Variants in CUL2 observed in about 807,000 individuals in gnomAD.
CUL2 encodes cullin-2.
Under a neutral mutation model 110.2 loss-of-function variants are expected in CUL2, and 22 were observed. The observed-to-expected ratio is 0.20, with a 90% confidence interval of 0.14 to 0.28. The LOEUF (loss-of-function observed/expected upper bound fraction) is 0.28, where lower values mean the gene tolerates loss of function less well. CUL2 is among the 10% of genes least tolerant of loss of function. The pLI is 1.00. For synonymous variants in CUL2, 279 were observed against 293.2 expected (o/e 0.95, Z 0.49); for missense variants, 631 against 905.5 (o/e 0.70, Z 3.89).
intron 2 of CUL2, among the ~76,000 whole-genome samples, chr10:35,066,393 G>A (rs751464070): frequency 2.1e-4 from 32 of 151,820 alleles, no homozygotes; most frequent in Non-Finnish European, 3.2e-4. Context: ...TTCACCCTCC[G>A]GGTTCAAGCA....
intron 17 of CUL2, among the ~76,000 whole-genome samples, chr10:35,023,892 T>C (rs2085267582): frequency 6.6e-6 from 1 of 152,174 alleles, no homozygotes; most frequent in Non-Finnish European, 1.5e-5. Flanking sequence ...TGGAGTGCAG[T>C]GGCACGATCA....
intron 2 of CUL2, chr10:35,099,388 TAAAAAAAAAA>T (rs754369641): frequency 9.1e-6 from 1 of 110,484 alleles, no homozygotes; most frequent in Admixed American, 9.9e-5. Context: ...AGACTCCGTC[TAAAAAAAAAA>T]AAAAAAAAAA....
chr10:35,025,607 T>G (rs1169783276), intron 16 of CUL2, among the ~76,000 whole-genome samples: 1 of 152,220 alleles, frequency 6.6e-6, no homozygotes, highest in African/African-American at 2.4e-5. Context: ...TGCCAACATA[T>G]AGCTTCCACA....
At chr10:35,048,483 C>T (rs2086008615) in intron 6 of CUL2, among the ~76,000 whole-genome samples, 1 of 152,130 alleles carries the variant, frequency 6.6e-6, no homozygotes, top group East Asian at 1.9e-4. Flanking sequence ...CACAAAAGTA[C>T]ATTTAGAAAG....
upstream of CUL2, among the ~76,000 whole-genome samples, chr10:35,091,847 T>TG (rs2087210960): frequency 1.3e-5 from 2 of 151,996 alleles, no homozygotes; most frequent in South Asian, 4.2e-4. Context: ...AGGCTGGTCT[T>TG]GAACTCCTGA....
Position 35,009,184 on chromosome 10 carries a change from ATATATATATATATATAT to A in CUL2, c.*1110_*1126del, listed in dbSNP as rs1230650243. On this transcript the variant is annotated 3_prime_UTR_variant, in exon 21 of 21. Coordinates refer to ENST00000374749, the MANE Select transcript of CUL2 (RefSeq NM_003591.4). ...CAGTACTCTTAACACTGCTGTTGAG[ATATATATATATATATAT>A]TATATATATATATATATATAAAATA... is the stretch of plus-strand genomic sequence containing the variant. 5 of 93,392 alleles carry A rather than the reference ATATATATATATATATAT, an allele frequency of 5.4e-5. No individual in the cohort carries two copies. Among genetic ancestry groups the A allele is most frequent in the South Asian group, 5.4e-4 (1 of 1,848 alleles). The allele number at this position is 93,392 out of a possible 1,614,324, so 5.8% of individuals were successfully genotyped here. A position where few individuals can be genotyped will look rare whatever the true frequency, so the allele number is the denominator to read the frequency against.
chr10:35,073,110 A>C (rs1212512154), intron 1 of CUL2, among the ~76,000 whole-genome samples: 2 of 152,174 alleles, frequency 1.3e-5, no homozygotes, highest in African/African-American at 4.8e-5. Flanking sequence ...AAGAATGAAA[A>C]AAATCAGAGA....
At chr10:35,049,613 G>A in intron 6 of CUL2, 70 bp downstream of exon 6, 1 of 1,293,258 alleles carries the variant, frequency 7.7e-7, no homozygotes, top group Non-Finnish European at 1.1e-6. Context: ...CTCTGCAATT[G>A]TACACTATTT....
At chr10:35,059,040 G>A (rs1178311648) in intron 4 of CUL2, among the ~76,000 whole-genome samples, 1 of 152,190 alleles carries the variant, frequency 6.6e-6, no homozygotes, top group East Asian at 1.9e-4. Flanking sequence ...GCAATCTCAT[G>A]ATATAACTTG....
intron 5 of CUL2, among the ~76,000 whole-genome samples, chr10:35,050,214 G>C (rs1040476259): frequency 2.0e-5 from 3 of 151,932 alleles, no homozygotes; most frequent in African/African-American, 7.3e-5. Flanking sequence ...CCAGCTACTC[G>C]GGAGGCTGAG....
chr10:35,025,624 T>A (rs994649746), intron 16 of CUL2, among the ~76,000 whole-genome samples: 7 of 152,218 alleles, frequency 4.6e-5, no homozygotes, highest in African/African-American at 1.7e-4. Context: ...CACATTCAAT[T>A]AGACACAAAT....
At chr10:35,020,471 T>C (rs1390858360) in intron 17 of CUL2, among the ~76,000 whole-genome samples, 1 of 152,258 alleles carries the variant, frequency 6.6e-6, no homozygotes, top group Non-Finnish European at 1.5e-5. Flanking sequence ...CGTTATCTTT[T>C]AAGGTATGCA....
At chr10:35,060,392 T>A (rs974552577) in intron 4 of CUL2, among the ~76,000 whole-genome samples, 12 of 152,342 alleles carry the variant, frequency 7.9e-5, no homozygotes, top group Admixed American at 2.0e-4. Context: ...ATTAGGAAAC[T>A]ACAAGTAATT....
chr10:35,018,456 T>C (rs1355597475), intron 17 of CUL2, among the ~76,000 whole-genome samples: 1 of 151,658 alleles, frequency 6.6e-6, no homozygotes, highest in African/African-American at 2.4e-5. Flanking sequence ...CTGCTTTATG[T>C]ATTCATTACC....
intron 1 of CUL2, among the ~76,000 whole-genome samples, chr10:35,080,631 G>T (rs2086925031): frequency 6.6e-6 from 1 of 151,792 alleles, no homozygotes; most frequent in African/African-American, 2.4e-5. Flanking sequence ...CTACTTTTTT[G>T]TATTTGTAGA....
intron 2 of CUL2, among the ~76,000 whole-genome samples, chr10:35,067,673 G>C (rs754055620): frequency 4.4e-4 from 67 of 151,808 alleles, no homozygotes; most frequent in Middle Eastern, 3.4e-3. Flanking sequence ...AAACCCAGGA[G>C]GGGGAGGCTG....
Position 35,013,716 on chromosome 10 carries a change from G to C in CUL2, c.1972C>G (p.Gln658Glu). ...RTKFKITTSMQKDTPQEMEQT... is the reference protein window; with the variant it reads ...RTKFKITTSMEKDTPQEMEQT... Reference sequence around the variant, plus strand: ...GCACTTACTTGTGGTGTGTCTTTCTGCATTGATGTAGTAATTTTAAATTTT... The same window carrying C: ...GCACTTACTTGTGGTGTGTCTTTCTCCATTGATGTAGTAATTTTAAATTTT... Residue 658 changes from glutamine (Q) to glutamate (E), a missense_variant, in exon 19 of 21, where the codon CAG becomes GAG. By Grantham distance (29) the Gln-to-Glu change is conservative (BLOSUM62 2). Around this residue, in one of 3 missense-constraint regions of CUL2, gnomAD observed 159 missense variants for 202.7 expected, o/e 0.78. Coordinates refer to ENST00000374749, the MANE Select transcript of CUL2 (RefSeq NM_003591.4). 1.3e-6 allele frequency: 2 copies of C among 1,566,384 alleles called. No individual in the cohort carries two copies. Among genetic ancestry groups the C allele is most frequent in the Non-Finnish European group, 1.7e-6 (2 of 1,152,828 alleles).
intron 1 of CUL2, among the ~76,000 whole-genome samples, chr10:35,111,177 T>G (rs1309246775): frequency 6.6e-6 from 1 of 152,090 alleles, no homozygotes; most frequent in African/African-American, 2.4e-5. Context: ...ACAGAGAAAA[T>G]GGAGAAGCAA....
At chr10:35,027,335 G>T (rs1267196159) in intron 16 of CUL2, among the ~76,000 whole-genome samples, 2 of 151,808 alleles carry the variant, frequency 1.3e-5, no homozygotes, top group Admixed American at 1.3e-4. Context: ...TAGTAGAGAC[G>T]GGGTTTCACT....
Sources: gnomAD v4.1 joint callset for allele counts (sites outside exome capture counted in the v4.1 genomes callset) on GRCh38, gnomAD v4.1.1 for gene constraint, gnomAD v4.1.1 regional missense constraint, MANE v1.5 for transcripts, NCBI Gene and HGNC (gene_info 2026-07-23, HGNC 2026-07-21) for gene names.